ZC3H12B: variants seen among roughly 807,000 people sequenced by gnomAD.
ZC3H12B encodes the protein zinc finger CCCH-type containing 12B, also known as probable ribonuclease ZC3H12B.
Under a neutral mutation model 43.9 loss-of-function variants are expected in ZC3H12B, and 7 were observed. The ratio of observed to expected loss-of-function variants is 0.16; its 90% CI spans 0.09 to 0.30. The LOEUF (loss-of-function observed/expected upper bound fraction) is 0.30, where lower values mean the gene tolerates loss of function less well. Ranked by LOEUF, ZC3H12B falls within the 10% of genes least tolerant of loss-of-function variation. The pLI is 1.00. For synonymous variants in ZC3H12B, 222 were observed against 241.7 expected (o/e 0.92, Z 0.76); for missense variants, 475 against 670.2 (o/e 0.71, Z 3.22).
exon 5 of ZC3H12B, chrX:65,503,622 AT>A (rs5902584): frequency 2.1e-3 from 222 of 104,334 alleles, no homozygotes; most frequent in South Asian, 3.2e-3. Flanking sequence ...TTCTTTCTTT[AT>A]TTTTTTTTTT....
the ZC3H12B span, among the ~76,000 whole-genome samples, chrX:65,162,194 T>C: frequency 9.0e-6 from 1 of 111,359 alleles, no homozygotes; most frequent in Admixed American, 9.6e-5. Flanking sequence ...CTGGCTGCCC[T>C]TAACATTTTT....
At chrX:65,165,310 C>T in the ZC3H12B span, among the ~76,000 whole-genome samples, 12 of 111,953 alleles carry the variant, frequency 1.1e-4, no homozygotes, top group Non-Finnish European at 2.3e-4. Context: ...ATGTACAGAA[C>T]GTACAGGTTT....
At chrX:65,086,567 G>T in the ZC3H12B span, among the ~76,000 whole-genome samples, 2 of 111,192 alleles carry the variant, frequency 1.8e-5, no homozygotes, top group East Asian at 2.8e-4. Flanking sequence ...AGGTTATTAG[G>T]TTATAAGCAC....
At chrX:65,387,029 G>T (rs1271776914) in intron 2 of ZC3H12B, among the ~76,000 whole-genome samples, 2 of 111,722 alleles carry the variant, frequency 1.8e-5, no homozygotes, top group Non-Finnish European at 3.8e-5. Flanking sequence ...CATAATTTCT[G>T]TTCTTTTACA....
the ZC3H12B span, among the ~76,000 whole-genome samples, chrX:65,162,689 T>C: frequency 8.9e-6 from 1 of 111,997 alleles, no homozygotes; most frequent in African/African-American, 3.2e-5. Context: ...TCAAAGTTTT[T>C]AACTTCTTTG....
At chrX:65,355,946 T>G in the ZC3H12B span, among the ~76,000 whole-genome samples, 1 of 111,974 alleles carries the variant, frequency 8.9e-6, no homozygotes, top group Non-Finnish European at 1.9e-5. Context: ...CAGAGCAAGA[T>G]TCTGTCTCAA....
the ZC3H12B span, among the ~76,000 whole-genome samples, chrX:65,105,823 T>TG: frequency 9.0e-6 from 1 of 111,096 alleles, no homozygotes; most frequent in African/African-American, 3.3e-5. Flanking sequence ...GCCACACTGA[T>TG]GGCACTGTAT....
At chrX:65,427,924 T>G (rs2067103638) in intron 3 of ZC3H12B, among the ~76,000 whole-genome samples, 1 of 112,072 alleles carries the variant, frequency 8.9e-6, no homozygotes, top group African/African-American at 3.2e-5. Context: ...CCATATTGAG[T>G]GCTTCCTTCA....
chrX:65,211,322 G>C, the ZC3H12B span, among the ~76,000 whole-genome samples: 1 of 108,430 alleles, frequency 9.2e-6, no homozygotes, highest in African/African-American at 3.3e-5. Context: ...AAAACCACCT[G>C]TTTTCCAAAA....
chrX:65,114,226 G>GT, the ZC3H12B span, among the ~76,000 whole-genome samples: 4 of 106,529 alleles, frequency 3.8e-5, no homozygotes, highest in Non-Finnish European at 7.8e-5. Flanking sequence ...TTCTTGTACT[G>GT]TTTTTTTGTT....
the ZC3H12B span, among the ~76,000 whole-genome samples, chrX:65,183,803 T>C: frequency 1.8e-5 from 2 of 111,602 alleles, no homozygotes; most frequent in African/African-American, 6.5e-5. Context: ...ACCTAATATA[T>C]AGTAAATGCA....
the ZC3H12B span, among the ~76,000 whole-genome samples, chrX:65,149,248 A>C: frequency 9.0e-6 from 1 of 111,604 alleles, no homozygotes; most frequent in Admixed American, 9.6e-5. Context: ...TCCTGTGAGA[A>C]AGCACCTGCT....
At chrX:65,453,161 G>C (rs1449029797) in intron 3 of ZC3H12B, among the ~76,000 whole-genome samples, 2 of 106,940 alleles carry the variant, frequency 1.9e-5, no homozygotes, top group Non-Finnish European at 3.8e-5. Context: ...TAGGCACATA[G>C]ACCAATGGAA....
chrX:65,277,140 A>G, the ZC3H12B span, among the ~76,000 whole-genome samples: 1 of 112,190 alleles, frequency 8.9e-6, no homozygotes, highest in Non-Finnish European at 1.9e-5. Context: ...ATATAATAAT[A>G]AAGAGATCGA....
the ZC3H12B span, among the ~76,000 whole-genome samples, chrX:65,038,348 T>C: frequency 9.0e-6 from 1 of 111,477 alleles, no homozygotes; most frequent in African/African-American, 3.3e-5. Context: ...ACAAATATAA[T>C]TGTTATTTTG....
chrX:65,187,053 T>G, the ZC3H12B span: 1 of 111,679 alleles, frequency 9.0e-6, no homozygotes, highest in Admixed American at 9.6e-5. Flanking sequence ...TACCTAGGAG[T>G]GGGATTGCTG....
chrX:65,500,704 CAGGCATG>C (rs1313867494), intron 4 of ZC3H12B, among the ~76,000 whole-genome samples: 1 of 110,605 alleles, frequency 9.0e-6, no homozygotes, highest in Non-Finnish European at 1.9e-5. Context: ...GCTGAGATTA[CAGGCATG>C]AGCCACCGTG....
At chrX:65,094,576 A>C in the ZC3H12B span, among the ~76,000 whole-genome samples, 1 of 111,911 alleles carries the variant, frequency 8.9e-6, no homozygotes, top group Non-Finnish European at 1.9e-5. Flanking sequence ...AAATGTTTTG[A>C]TATTTCCACT....
chrX:65,287,996 A>ATATATATATG, the ZC3H12B span, among the ~76,000 whole-genome samples: 2 of 106,456 alleles, frequency 1.9e-5, no homozygotes, highest in African/African-American at 7.2e-5. Context: ...ATACATATAT[A>ATATATATATG]TATATATATA....
Sources: allele counts gnomAD v4.1 joint callset (sites outside exome capture counted in the v4.1 genomes callset), GRCh38; gene constraint gnomAD v4.1.1; transcripts MANE v1.5; gene names NCBI Gene and HGNC (gene_info 2026-07-23, HGNC 2026-07-21).